The following TENM3 variants were observed in gnomAD, a reference collection of about 807,000 sequenced individuals.
TENM3 encodes the protein teneurin transmembrane protein 3, also known as teneurin-3.
In TENM3, 63 loss-of-function variants were observed where a neutral mutation model predicts 255.1. The observed-to-expected ratio is 0.25, with a 90% CI of 0.20 to 0.30. The LOEUF is 0.30. Among genes scored for constraint, TENM3 ranks in the 10% least tolerant of loss-of-function variants. The pLI, the probability that TENM3 is intolerant of heterozygous loss-of-function variation, is 1.00. For synonymous variants in TENM3, 1,306 were observed against 1,322.3 expected (o/e 0.99, Z 0.27); for missense variants, 2,929 against 3,461.1 (o/e 0.85, Z 3.86).
the TENM3 span, among the ~76,000 whole-genome samples, chr4:181,923,436 G>C: frequency 6.6e-6 from 1 of 152,082 alleles, no homozygotes; most frequent in Admixed American, 6.6e-5. Context: ...TGCCTAAAAA[G>C]TTCAGTGGAT....
chr4:182,009,523 G>A, the TENM3 span, among the ~76,000 whole-genome samples: 1,490 of 152,290 alleles, frequency 9.8e-3, 26 homozygotes, highest in African/African-American at 0.034. Context: ...GCCACAGCCC[G>A]TGCGTTGGGC....
At chr4:182,508,005 C>A (rs2151697954) in intron 3 of TENM3, among the ~76,000 whole-genome samples, 1 of 152,286 alleles carries the variant, frequency 6.6e-6, no homozygotes, top group South Asian at 2.1e-4. Flanking sequence ...CATACTCAGG[C>A]TCTGGTATCA....
At chr4:182,167,753 G>A (rs184508035) in intron 1 of TENM3, among the ~76,000 whole-genome samples, 2 of 152,166 alleles carry the variant, frequency 1.3e-5, no homozygotes, top group South Asian at 2.1e-4. Context: ...GTGCATGCCT[G>A]TAGTCCCAGC....
At chr4:182,182,655 G>T (rs76615334) in intron 1 of TENM3, among the ~76,000 whole-genome samples, 10,668 of 152,168 alleles carry the variant, frequency 0.07, 625 homozygotes, top group East Asian at 0.25. Context: ...GAACCTAGAC[G>T]CCCTGAGTTA....
chr4:182,513,905 T>G (rs1418367632), intron 3 of TENM3, among the ~76,000 whole-genome samples: 2 of 152,218 alleles, frequency 1.3e-5, no homozygotes, highest in Non-Finnish European at 2.9e-5. Flanking sequence ...CAGAGAGCTC[T>G]TGTGCCTCAG....
chr4:181,830,184 G>T, the TENM3 span, among the ~76,000 whole-genome samples: 1 of 152,128 alleles, frequency 6.6e-6, no homozygotes, highest in Non-Finnish European at 1.5e-5. Context: ...AGAGTGCTAC[G>T]TTTAGGTGGA....
At chr4:182,157,359 C>G (rs1354138511) in intron 1 of TENM3, among the ~76,000 whole-genome samples, 1 of 152,174 alleles carries the variant, frequency 6.6e-6, no homozygotes, top group Non-Finnish European at 1.5e-5. Context: ...TGTGGAATAA[C>G]TTGGCAAAAT....
At chr4:182,351,629 G>GT (rs1220073696) in intron 3 of TENM3, among the ~76,000 whole-genome samples, 1 of 152,190 alleles carries the variant, frequency 6.6e-6, no homozygotes, top group Non-Finnish European at 1.5e-5. Flanking sequence ...GACCTTTGAT[G>GT]TAAGGCAGGC....
the TENM3 span, among the ~76,000 whole-genome samples, chr4:181,845,792 CAA>C: frequency 1.3e-5 from 2 of 152,166 alleles, no homozygotes; most frequent in Non-Finnish European, 2.9e-5. Flanking sequence ...TGAATTTCTG[CAA>C]AGACATATTA....
the TENM3 span, among the ~76,000 whole-genome samples, chr4:182,066,266 C>G: frequency 6.6e-6 from 1 of 151,884 alleles, no homozygotes; most frequent in South Asian, 2.1e-4. Flanking sequence ...TTTTTTTATG[C>G]GCTTGTTGAC....
chr4:181,739,723 C>A, the TENM3 span, among the ~76,000 whole-genome samples: 1 of 152,064 alleles, frequency 6.6e-6, no homozygotes, highest in African/African-American at 2.4e-5. Context: ...CTTTGCAGAC[C>A]GTCGTACATT....
At chr4:182,684,206 G>A (rs1756390394) in intron 11 of TENM3, among the ~76,000 whole-genome samples, 1 of 151,138 alleles carries the variant, frequency 6.6e-6, no homozygotes. Flanking sequence ...AATGATAGAG[G>A]AGGAAGGACA....
intron 1 of TENM3, among the ~76,000 whole-genome samples, chr4:182,156,548 A>G (rs1235814986): frequency 6.6e-6 from 1 of 151,688 alleles, no homozygotes; most frequent in African/African-American, 2.4e-5. Flanking sequence ...TATATGCATC[A>G]TTTTTCTAAA....
intron 3 of TENM3, among the ~76,000 whole-genome samples, chr4:182,453,617 TA>T (rs949197421): frequency 6.6e-6 from 1 of 152,154 alleles, no homozygotes; most frequent in African/African-American, 2.4e-5. Context: ...TTAAAATTTG[TA>T]AAAAATTAAA....
chr4:182,777,541 G>GTGTGTGTGTGTGTGTCT (rs1579462872), intron 24 of TENM3, among the ~76,000 whole-genome samples: 1 of 106,410 alleles, frequency 9.4e-6, no homozygotes, highest in Non-Finnish European at 1.8e-5. Context: ...GTGTGTGTGT[G>GTGTGTGTGTGTGTGTCT]TATTTCTTTT....
the TENM3 span, among the ~76,000 whole-genome samples, chr4:181,605,571 AGAGAGAAAGAAAGG>A: frequency 7.6e-4 from 22 of 29,126 alleles, 4 homozygotes; most frequent in African/African-American, 1.4e-3. Flanking sequence ...AGAAAGAAAG[AGAGAGAAAGAAAGG>A]AAAGAAAGAA....
At chr4:182,592,696 C>T (rs1746788956) in intron 3 of TENM3, among the ~76,000 whole-genome samples, 2 of 144,558 alleles carry the variant, frequency 1.4e-5, no homozygotes. Flanking sequence ...GCCTGGGCCA[C>T]AGAGCAAGAC....
At chr4:181,644,381 T>A in the TENM3 span, among the ~76,000 whole-genome samples, 16 of 151,926 alleles carry the variant, frequency 1.1e-4, no homozygotes, top group African/African-American at 3.6e-4. Flanking sequence ...TGGGCCCACA[T>A]TGCCAGGTCT....
chr4:182,657,525 C>G (rs1279841620), intron 6 of TENM3, among the ~76,000 whole-genome samples: 1 of 152,226 alleles, frequency 6.6e-6, no homozygotes, highest in African/African-American at 2.4e-5. Flanking sequence ...CCTCATTCTA[C>G]TGATACCATC....
Sources: gnomAD v4.1 joint callset for allele counts (sites outside exome capture counted in the v4.1 genomes callset) on GRCh38, gnomAD v4.1.1 for gene constraint, MANE v1.5 for transcripts, NCBI Gene and HGNC (gene_info 2026-07-23, HGNC 2026-07-21) for gene names.